TRPM7: variants seen among roughly 807,000 people sequenced by gnomAD.
TRPM7 encodes LTRPC ion channel family member 7.
TRPM7 carries 134 observed loss-of-function variants against 229.7 expected under a neutral mutation model. The ratio of observed to expected loss-of-function variants is 0.58; its 90% CI spans 0.51 to 0.67. The LOEUF (loss-of-function observed/expected upper bound fraction) is 0.67, where lower values mean the gene tolerates loss of function less well. TRPM7 is among the 30% of genes least tolerant of loss of function. The pLI, the probability that TRPM7 is intolerant of heterozygous loss-of-function variation, is 0.00. For missense variants in TRPM7, 1,901 were observed against 2,210.0 expected (o/e 0.86, Z 2.80); for synonymous variants, 699 against 715.2 (o/e 0.98, Z 0.36).
intron 1 of TRPM7, among the ~76,000 whole-genome samples, chr15:50,669,295 C>T (rs529571303): frequency 8.0e-4 from 121 of 152,062 alleles, no homozygotes; most frequent in African/African-American, 2.6e-3. Flanking sequence ...ATTAGCCAGG[C>T]GTGGTGGTGT....
At chr15:50,672,891 T>A (rs2062019442) in intron 1 of TRPM7, among the ~76,000 whole-genome samples, 1 of 99,124 alleles carries the variant, frequency 1.0e-5, no homozygotes, top group Non-Finnish European at 1.8e-5. Context: ...AGAGTGAGAC[T>A]CTGTCTCAAA....
At position 50,605,296 on chromosome 15, in the gene TRPM7, G is replaced by C. The variant is rs978169987; in HGVS notation, c.2710-152C>G. The C allele has an allele frequency of 3.2e-5, 22 of 687,974 alleles. No homozygotes were observed. In the South Asian group the frequency reaches 4.8e-4, roughly 15 times the overall value. The allele number at this position is 687,974 out of a possible 1,614,324, so 42.6% of individuals were successfully genotyped here. A position where few individuals can be genotyped will look rare whatever the true frequency, so the allele number is the denominator to read the frequency against. On this transcript the variant is annotated intron_variant, in intron 20 of 38. Coordinates refer to ENST00000646667, the MANE Select transcript of TRPM7 (RefSeq NM_017672.6). ...GACAGAGTCTCGCTCTATTGCCCAG[G>C]GTGGAGTGCAGTGGCTCAATCTCGG...
chr15:50,601,592 A>G (rs1461427824), intron 21 of TRPM7, among the ~76,000 whole-genome samples: 1 of 152,190 alleles, frequency 6.6e-6, no homozygotes, highest in Admixed American at 6.5e-5. Context: ...CAGTGAGCAC[A>G]GATCGCGCCA....
At chr15:50,667,124 G>A (rs1308235374) in intron 1 of TRPM7, among the ~76,000 whole-genome samples, 1 of 152,044 alleles carries the variant, frequency 6.6e-6, no homozygotes, top group African/African-American at 2.4e-5. Context: ...AGCATTGATT[G>A]GCCGACTCTG....
chr15:50,684,187 C>T (rs1009337089), intron 1 of TRPM7, among the ~76,000 whole-genome samples: 11 of 150,582 alleles, frequency 7.3e-5, no homozygotes, highest in Admixed American at 6.6e-4. Context: ...GAGTCTCACT[C>T]TGTCACCCAG....
chr15:50,674,929 C>A (rs897385405), intron 1 of TRPM7, among the ~76,000 whole-genome samples: 5 of 152,098 alleles, frequency 3.3e-5, no homozygotes, highest in African/African-American at 1.2e-4. Context: ...ATTGGCAAAT[C>A]CACCCAAAAC....
intron 4 of TRPM7, 46 bp downstream of exon 4, chr15:50,648,641 A>T: frequency 6.6e-7 from 1 of 1,516,508 alleles, no homozygotes; most frequent in Non-Finnish European, 8.9e-7. Context: ...GATGTTTATT[A>T]TTTAAATAAC....
At chr15:50,686,319 G>A (rs73397468) in intron 1 of TRPM7, among the ~76,000 whole-genome samples, 3,009 of 152,288 alleles carry the variant, frequency 0.02, 115 homozygotes, top group African/African-American at 0.069. Flanking sequence ...CCCGCGAAGA[G>A]GTGTCGCCTC....
intron 28 of TRPM7, among the ~76,000 whole-genome samples, chr15:50,586,104 G>C (rs1001096212): frequency 6.6e-6 from 1 of 152,172 alleles, no homozygotes; most frequent in South Asian, 2.1e-4. Flanking sequence ...ATTAAAACAT[G>C]ATACAGATGA....
chr15:50,588,130 A>T lies in TRPM7; in HGVS notation c.4389+1462T>A, dbSNP rs1019147213. 2.1e-5 allele frequency: 15 copies of T among 717,642 alleles called. No individual in the cohort carries two copies. In the African/African-American group the frequency reaches 2.7e-4, roughly 13 times the overall value. The allele number at this position is 717,642 out of a possible 1,614,324, so 44.5% of individuals were successfully genotyped here. Reference sequence around the variant, plus strand: ...ACCTACACCTATTTCCTCCATCTAAAAGCACATGGGTATATTTTAAGCTGA... The same window carrying T: ...ACCTACACCTATTTCCTCCATCTAATAGCACATGGGTATATTTTAAGCTGA... On this transcript the variant is annotated intron_variant, in intron 27 of 38. Transcript: ENST00000646667.
intron 21 of TRPM7, among the ~76,000 whole-genome samples, chr15:50,603,313 GA>G (rs1189972628): frequency 7.4e-6 from 1 of 134,640 alleles, no homozygotes; most frequent in Non-Finnish European, 1.8e-5. Context: ...TTAGAAGACT[GA>G]TTTTTTTTTT....
chr15:50,646,741 A>AT (rs2061276087), intron 4 of TRPM7, among the ~76,000 whole-genome samples: 2 of 152,216 alleles, frequency 1.3e-5, no homozygotes, highest in Non-Finnish European at 2.9e-5. Flanking sequence ...TAAAGGATTA[A>AT]TTTACAGTAC....
intron 38 of TRPM7, among the ~76,000 whole-genome samples, chr15:50,569,026 G>T (rs16953031): frequency 0.058 from 8,853 of 151,346 alleles, 327 homozygotes; most frequent in African/African-American, 0.11. Context: ...TCAAGGGTGG[G>T]CCCCAGACAT....
At chr15:50,599,501 T>C (rs2059719693) in intron 21 of TRPM7, 1 of 411,234 alleles carries the variant, frequency 2.4e-6, no homozygotes, top group East Asian at 3.6e-5. Flanking sequence ...TAAAAAAAAA[T>C]CTATTAAGCT....
intron 1 of TRPM7, among the ~76,000 whole-genome samples, chr15:50,680,787 T>A (rs902453530): frequency 1.3e-5 from 2 of 152,214 alleles, no homozygotes; most frequent in South Asian, 4.1e-4. Context: ...CAAATATACA[T>A]GTCCCTGAAT....
chr15:50,591,400 A>G lies in TRPM7; in HGVS notation c.4324+511T>C, dbSNP rs562128599. ...AACCCAATTGAAGATATTCAAATTC[A>G]AAAGACAGAACCTAAAATTCCATCA... On this transcript the variant is annotated intron_variant, in intron 26 of 38. Transcript: ENST00000646667. Among the ~76,000 whole-genome samples, 7 of 152,358 alleles carry G rather than the reference A, an allele frequency of 4.6e-5. 1 individual carries two copies. In the South Asian group the frequency reaches 1.4e-3, roughly 32 times the overall value.
At chr15:50,673,249 A>G (rs562585861) in intron 1 of TRPM7, among the ~76,000 whole-genome samples, 1 of 152,102 alleles carries the variant, frequency 6.6e-6, no homozygotes, top group South Asian at 2.1e-4. Flanking sequence ...TTATACACCT[A>G]TACTATTTTT....
At chr15:50,563,202 T>C (rs1376363873) in intron 38 of TRPM7, among the ~76,000 whole-genome samples, 2 of 152,234 alleles carry the variant, frequency 1.3e-5, no homozygotes, top group East Asian at 3.8e-4. Flanking sequence ...TCTGTGGTTA[T>C]TTCCACACCA....
chr15:50,678,519 T>A (rs59739586), intron 1 of TRPM7, among the ~76,000 whole-genome samples: 7,498 of 106,870 alleles, frequency 0.07, 677 homozygotes, highest in African/African-American at 0.25. Context: ...AAAAAAAAAA[T>A]ATATATATAT....
Sources: gnomAD v4.1 joint callset for allele counts (sites outside exome capture counted in the v4.1 genomes callset) on GRCh38, gnomAD v4.1.1 for gene constraint, MANE v1.5 for transcripts, NCBI Gene and HGNC (gene_info 2026-07-23, HGNC 2026-07-21) for gene names.